TTC6: variants seen among roughly 807,000 people sequenced by gnomAD.
The protein encoded by TTC6 is tetratricopeptide repeat protein 6.
A neutral mutation model predicts 210.4 loss-of-function variants in TTC6; 172 were observed. The observed-to-expected ratio is 0.82, with a 90% CI of 0.72 to 0.93. The LOEUF is 0.93. TTC6 is among the 40% of genes least tolerant of loss of function. The pLI is 0.00. For synonymous variants in TTC6, 804 were observed against 819.6 expected (o/e 0.98, Z 0.32); for missense variants, 2,414 against 2,318.1 (o/e 1.04, Z -0.85).
intron 1 of TTC6, among the ~76,000 whole-genome samples, chr14:37,629,477 A>G (rs2095665738): frequency 6.6e-6 from 1 of 152,092 alleles, no homozygotes; most frequent in Non-Finnish European, 1.5e-5. Flanking sequence ...ACTTTGCTGA[A>G]ATTGCTTATC....
intron 1 of TTC6, among the ~76,000 whole-genome samples, chr14:37,638,501 C>T (rs1431726890): frequency 1.3e-5 from 2 of 152,048 alleles, no homozygotes; most frequent in Admixed American, 6.6e-5. Context: ...GTGATCTACC[C>T]GCCTTGGCCT....
chr14:37,780,803 G>A (rs573234998), intron 14 of TTC6, among the ~76,000 whole-genome samples: 8 of 152,038 alleles, frequency 5.3e-5, no homozygotes, highest in East Asian at 1.9e-4. Context: ...CATGGACCCC[G>A]GTGTGTGGTG....
rs562687108 is a variant in TTC6 at position 37,781,490 on chromosome 14, A to G, written c.3267-5978A>G. ...ATGGGGTTGTTTGATTTTTCCTTGT[A>G]AATTTGTTTACATTCTTTGTAGATT... On this transcript the variant is annotated intron_variant, in intron 14 of 30. Transcript: ENST00000553443. Among the ~76,000 whole-genome samples the G allele has an allele frequency of 4.6e-5, 7 of 152,022 alleles. No homozygotes were observed. The East Asian group carries it at 1.2e-3, about 25-fold the overall frequency.
chr14:37,673,603 C>T (rs1434301741), intron 1 of TTC6, among the ~76,000 whole-genome samples: 1 of 152,136 alleles, frequency 6.6e-6, no homozygotes, highest in Non-Finnish European at 1.5e-5. Flanking sequence ...GCCTGCCTAA[C>T]AGGCCACAGG....
exon 10 of TTC6, chr14:37,738,979 C>T (rs142464340): frequency 3.8e-5 from 59 of 1,535,074 alleles, no homozygotes; most frequent in African/African-American, 1.4e-4. Flanking sequence ...ATAACATGTG[C>T]GAAAAACACA....
In TTC6 at chr14:37,759,644, C is replaced by T. The variant is rs763961443; in HGVS notation, c.3266+6409C>T. Among the ~76,000 whole-genome samples, 5 of 152,154 alleles carry T rather than the reference C, an allele frequency of 3.3e-5. No individual in the cohort carries two copies. The East Asian group carries it at 7.7e-4, about 23-fold the overall frequency. ...GTTACTTCCAGGTATACCAATCAAT[C>T]GTAGGTTTGGTCTTTTCACATAGTC... On this transcript the variant is annotated intron_variant, in intron 14 of 30. Transcript: ENST00000553443.
chr14:37,805,479 T>C (rs1160294348), intron 21 of TTC6, among the ~76,000 whole-genome samples: 1 of 151,234 alleles, frequency 6.6e-6, no homozygotes, highest in African/African-American at 2.4e-5. Context: ...TTCTAATTCT[T>C]ACGTTCGTGG....
At chr14:37,621,705 AGGGGTCCTG>A (rs575608902), upstream of TTC6, among the ~76,000 whole-genome samples, 207 of 152,278 alleles carry the variant, frequency 1.4e-3, 1 homozygote, top group Non-Finnish European at 2.8e-4. Flanking sequence ...CTGTTGTAGC[AGGGGTCCTG>A]GGGATTTTCT....
intron 2 of TTC6, among the ~76,000 whole-genome samples, chr14:37,609,391 G>A (rs912062010): frequency 1.3e-5 from 2 of 152,238 alleles, no homozygotes; most frequent in African/African-American, 2.4e-5. Context: ...CCACCAGCCT[G>A]GGTGACAGAG....
chr14:37,838,729 C>A lies in TTC6; in HGVS notation c.5299-2716C>A, dbSNP rs142835854. On this transcript the variant is annotated intron_variant, in intron 29 of 30. Transcript: ENST00000553443. Reference sequence around the variant, plus strand: ...TAAGTTCTGGTGTACATGTGCACAACGTGCAGGTTTGTTACATAGGTGTAA... The same window carrying A: ...TAAGTTCTGGTGTACATGTGCACAAAGTGCAGGTTTGTTACATAGGTGTAA... 7.5e-3 allele frequency among the ~76,000 whole-genome samples: 1,143 copies of A among 152,124 alleles called. 16 individuals carry two copies. The highest frequency in any genetic ancestry group is 0.026 in the African/African-American group (1,061 of 41,502).
chr14:37,631,398 TG>T (rs2095669694), intron 1 of TTC6, among the ~76,000 whole-genome samples: 1 of 152,210 alleles, frequency 6.6e-6, no homozygotes, highest in East Asian at 1.9e-4. Flanking sequence ...TATGAAATTC[TG>T]GGTTGAAAAT....
At chr14:37,649,347 C>A (rs1160851924) in intron 1 of TTC6, among the ~76,000 whole-genome samples, 1 of 152,176 alleles carries the variant, frequency 6.6e-6, no homozygotes, top group Non-Finnish European at 1.5e-5. Flanking sequence ...TTCCTTCCCA[C>A]AAACACATCT....
At chr14:37,685,524 C>A (rs549593608) in intron 3 of TTC6, among the ~76,000 whole-genome samples, 4 of 152,288 alleles carry the variant, frequency 2.6e-5, no homozygotes, top group African/African-American at 9.6e-5. Flanking sequence ...CAAGAGATGA[C>A]AGCTGCCTTA....
intron 14 of TTC6, among the ~76,000 whole-genome samples, chr14:37,756,674 G>C (rs531194477): frequency 6.6e-6 from 1 of 152,236 alleles, no homozygotes; most frequent in Non-Finnish European, 1.5e-5. Context: ...TGTTGAACCA[G>C]CCTTGCATCC....
chr14:37,808,862 T>A lies in TTC6; in HGVS notation c.4569+16T>A. The A allele has an allele frequency of 7.9e-7, 1 of 1,272,732 alleles. No homozygotes were observed. Among genetic ancestry groups the A allele is most frequent in the Non-Finnish European group, 1.1e-6 (1 of 896,510 alleles). 78.8% of individuals were successfully genotyped at this position (1,272,732 alleles called of 1,614,324 possible). On this transcript the variant is annotated intron_variant, in intron 24 of 30. Transcript: ENST00000553443. The stretch of plus-strand genomic sequence containing the variant: ...ACTTCAAATGGTAAGATGACCATTT[T>A]AGTAAACAATGTGTTTAAAGTGTTT...
intron 14 of TTC6, among the ~76,000 whole-genome samples, chr14:37,786,347 C>G (rs555088312): frequency 3.9e-5 from 6 of 152,324 alleles, no homozygotes; most frequent in African/African-American, 1.4e-4. Context: ...CACCCAGCCT[C>G]GTTGCTGCCT....
At chr14:37,629,468 CTT>C (rs1425307745) in intron 1 of TTC6, among the ~76,000 whole-genome samples, 1 of 152,114 alleles carries the variant, frequency 6.6e-6, no homozygotes, top group Non-Finnish European at 1.5e-5. Flanking sequence ...TATCCTGAGA[CTT>C]TGCTGAAATT....
chr14:37,645,062 T>A (rs943651967), intron 1 of TTC6, among the ~76,000 whole-genome samples: 1 of 152,166 alleles, frequency 6.6e-6, no homozygotes, highest in African/African-American at 2.4e-5. Context: ...TCCAGTAAGG[T>A]TGAACCAACT....
At chr14:37,651,745 C>T (rs2095713517) in intron 1 of TTC6, among the ~76,000 whole-genome samples, 1 of 151,862 alleles carries the variant, frequency 6.6e-6, no homozygotes, top group South Asian at 2.1e-4. Context: ...GTGATTGCTC[C>T]TGTGAGTAGC....
Sources: gnomAD v4.1 joint callset for allele counts (sites outside exome capture counted in the v4.1 genomes callset) on GRCh38, gnomAD v4.1.1 for gene constraint, MANE v1.5 for transcripts, NCBI Gene and HGNC (gene_info 2026-07-23, HGNC 2026-07-21) for gene names.